ST8SIA5: variants seen among roughly 807,000 people sequenced by gnomAD.
The protein encoded by ST8SIA5 is ST8 alpha-N-acetyl-neuraminide alpha-2,8-sialyltransferase 5, also known as alpha-2,8-sialyltransferase 8E.
Under a neutral mutation model 40.2 loss-of-function variants are expected in ST8SIA5, and 24 were observed. The observed-to-expected ratio is 0.60, with a 90% CI of 0.43 to 0.84. The LOEUF (loss-of-function observed/expected upper bound fraction) is 0.84. ST8SIA5 is among the 40% of genes least tolerant of loss of function. The probability of loss-of-function intolerance (pLI) is 0.00; values close to 1 mark genes in which losing one functional copy is unlikely to be tolerated. For missense variants in ST8SIA5, 465 were observed against 498.5 expected (o/e 0.93, Z 0.64); for synonymous variants, 198 against 201.8 (o/e 0.98, Z 0.16).
In ST8SIA5 at chr18:46,669,864, G is replaced by A. The variant is rs1237665688; in HGVS notation, c.*10178C>T. The A allele has an allele frequency of 2.6e-5, 4 of 152,192 alleles. No individual in the cohort carries two copies. Among genetic ancestry groups the A allele is most frequent in the African/African-American group, 9.7e-5 (4 of 41,420 alleles). The allele number at this position is 152,192 out of a possible 1,614,324, so 9.4% of individuals were successfully genotyped here. ...AGGTGGGCGAATCACGAGGTCAGGA[G>A]TTCACAACCAGCCTGGCCAAAATGG... On this transcript the variant is annotated 3_prime_UTR_variant, in exon 7 of 7. Coordinates refer to ENST00000315087, the MANE Select transcript of ST8SIA5 (RefSeq NM_013305.6).
In ST8SIA5 at chr18:46,670,337, T is replaced by A. The variant is rs1220647936; in HGVS notation, c.*9705A>T. The A allele has an allele frequency of 1.3e-5, 2 of 152,216 alleles. No homozygotes were observed. The allele number at this position is 152,216 out of a possible 1,614,324, so 9.4% of individuals were successfully genotyped here. ...TGTCACAGGGTGAACTGAGCTGAAA[T>A]GCTGTGTTGCTCCCGGGGTTATTAT... On this transcript the variant is annotated 3_prime_UTR_variant, in exon 7 of 7. Coordinates refer to ENST00000315087, the MANE Select transcript of ST8SIA5 (RefSeq NM_013305.6).
chr18:46,747,713 A>G (rs1050470847), intron 1 of ST8SIA5, among the ~76,000 whole-genome samples: 1 of 152,206 alleles, frequency 6.6e-6, no homozygotes, highest in Non-Finnish European at 1.5e-5. Context: ...CAGCCATCCC[A>G]TTACTGGGTA....
intron 1 of ST8SIA5, among the ~76,000 whole-genome samples, chr18:46,739,519 G>A (rs2040068097): frequency 6.6e-6 from 1 of 152,232 alleles, no homozygotes; most frequent in African/African-American, 2.4e-5. Flanking sequence ...GGGTAACAGA[G>A]CGAGACTCCA....
At chr18:46,700,108 A>G (rs1235122646) in intron 2 of ST8SIA5, among the ~76,000 whole-genome samples, 2 of 152,216 alleles carry the variant, frequency 1.3e-5, no homozygotes, top group Non-Finnish European at 2.9e-5. Context: ...GACAGGTGTA[A>G]ATAATTTTAG....
At chr18:46,715,076 A>G (rs2039773619) in intron 1 of ST8SIA5, among the ~76,000 whole-genome samples, 1 of 152,138 alleles carries the variant, frequency 6.6e-6, no homozygotes, top group Admixed American at 6.6e-5. Flanking sequence ...GAAGCTGCCA[A>G]GTTTGTTTTG....
In ST8SIA5 at chr18:46,673,052, G is replaced by A. The variant is rs1345260311; in HGVS notation, c.*6990C>T. On this transcript the variant is annotated 3_prime_UTR_variant, in exon 7 of 7. Transcript: ENST00000315087. ...TCATAGAGAAAGAAAGTAGAATTGC[G>A]ATTGCCAGGGGCTGGGGAAGGGGGA... 6.6e-6 allele frequency: 1 copy of A among 152,176 alleles called. No homozygotes were observed. The highest frequency in any genetic ancestry group is 2.4e-5 in the African/African-American group (1 of 41,454). 9.4% of individuals were successfully genotyped at this position (152,176 alleles called of 1,614,324 possible). A position where few individuals can be genotyped will look rare whatever the true frequency, so the allele number is the denominator to read the frequency against.
Position 46,680,010 on chromosome 18 carries a change from C to G in ST8SIA5, c.*32G>C, listed in dbSNP as rs765551790. 2 of 1,570,390 alleles carry G rather than the reference C, an allele frequency of 1.3e-6. No individual in the cohort carries two copies. Among genetic ancestry groups the G allele is most frequent in the South Asian group, 2.4e-5 (2 of 83,232 alleles). ...CCAGGAGGGACAGCAGGAGAGGGGG[C>G]GCCGCTTGCCGGGCAGCCTGGCTGG... is the stretch of plus-strand genomic sequence containing the variant. On this transcript the variant is annotated 3_prime_UTR_variant, in exon 7 of 7. Transcript: ENST00000315087.
chr18:46,747,875 G>A (rs2144569343), intron 1 of ST8SIA5, among the ~76,000 whole-genome samples: 1 of 152,306 alleles, frequency 6.6e-6, no homozygotes, highest in Non-Finnish European at 1.5e-5. Flanking sequence ...TATATACCAT[G>A]GAATACTATG....
rs938679580 is a variant in ST8SIA5, at chr18:46,738,508, C to T, written c.131+17870G>A. On this transcript the variant is annotated intron_variant, in intron 1 of 6. Transcript: ENST00000315087. ...AGTTAACGCCTGAGAGTAGAGGCCA[C>T]CTTAAATTTTGTTCCCTGGATCACT... is the stretch of plus-strand genomic sequence containing the variant. Among the ~76,000 whole-genome samples, 20 of 152,124 alleles carry T rather than the reference C, an allele frequency of 1.3e-4. 1 individual carries two copies. In the East Asian group the frequency reaches 3.9e-3, roughly 29 times the overall value.
chr18:46,736,168 TTA>T lies in ST8SIA5; in HGVS notation c.131+20208_131+20209del, dbSNP rs370967868. Among the ~76,000 whole-genome samples the T allele has an allele frequency of 1.4e-4, 22 of 152,320 alleles. No homozygotes were observed. The East Asian group carries it at 2.9e-3, about 20-fold the overall frequency. The stretch of plus-strand genomic sequence containing the variant: ...AGATACGTCACATCCCTTTTTTGTA[TTA>T]TGTCTTCGAAATCCAACGTGTATTG... On this transcript the variant is annotated intron_variant, in intron 1 of 6. Transcript: ENST00000315087.
intron 1 of ST8SIA5, among the ~76,000 whole-genome samples, chr18:46,742,472 T>A (rs560253653): frequency 8.7e-4 from 132 of 151,994 alleles, no homozygotes; most frequent in Non-Finnish European, 1.6e-4. Flanking sequence ...ATGTAAAACT[T>A]TTGTGCTTCA....
Position 46,679,355 on chromosome 18 carries a change from G to C in ST8SIA5, c.*687C>G, listed in dbSNP as rs961318125. 2 of 152,172 alleles carry C rather than the reference G, an allele frequency of 1.3e-5. No individual in the cohort carries two copies. Among genetic ancestry groups the C allele is most frequent in the Non-Finnish European group, 2.9e-5 (2 of 68,290 alleles). The allele number at this position is 152,172 out of a possible 1,614,324, so 9.4% of individuals were successfully genotyped here. A position where few individuals can be genotyped will look rare whatever the true frequency, so the allele number is the denominator to read the frequency against. On this transcript the variant is annotated 3_prime_UTR_variant, in exon 7 of 7. Coordinates refer to ENST00000315087, the MANE Select transcript of ST8SIA5 (RefSeq NM_013305.6). ...GAGGATGTGTCTGAAAGGATGTGGT[G>C]CTTCTCAGATGATGATGTCTCGACT...
At chr18:46,703,149 T>C (rs931931291) in intron 2 of ST8SIA5, among the ~76,000 whole-genome samples, 1 of 152,196 alleles carries the variant, frequency 6.6e-6, no homozygotes, top group Admixed American at 6.5e-5. Context: ...TTTATTTTAT[T>C]TTATTTTATT....
At chr18:46,728,223 T>C (rs903661053) in intron 1 of ST8SIA5, among the ~76,000 whole-genome samples, 1 of 151,708 alleles carries the variant, frequency 6.6e-6, no homozygotes, top group African/African-American at 2.4e-5. Context: ...TAGAGTATTA[T>C]AAAATGAAGA....
At chr18:46,705,925 G>T in intron 1 of ST8SIA5, among the ~76,000 whole-genome samples, 1 of 152,150 alleles carries the variant, frequency 6.6e-6, no homozygotes, top group East Asian at 1.9e-4. Context: ...CATTTCGCAC[G>T]TACCCTTACA....
chr18:46,700,854 C>T (rs1356410713), intron 2 of ST8SIA5, among the ~76,000 whole-genome samples: 4 of 152,140 alleles, frequency 2.6e-5, no homozygotes, highest in Non-Finnish European at 5.9e-5. Flanking sequence ...CAAGTGGAAT[C>T]GATGGAAGGT....
intron 1 of ST8SIA5, among the ~76,000 whole-genome samples, chr18:46,725,970 A>ATAT (rs58550909): frequency 5.3e-4 from 17 of 31,782 alleles, no homozygotes; most frequent in South Asian, 1.5e-3. Flanking sequence ...AAAAAAAAAA[A>ATAT]AAATATATAT....
intron 1 of ST8SIA5, among the ~76,000 whole-genome samples, chr18:46,720,412 C>G (rs532070244): frequency 1.3e-5 from 2 of 152,168 alleles, no homozygotes; most frequent in South Asian, 4.1e-4. Context: ...GTGCGACCAT[C>G]CCCACACCCT....
chr18:46,752,152 C>T (rs3893054), intron 1 of ST8SIA5, among the ~76,000 whole-genome samples: 9,633 of 152,304 alleles, frequency 0.063, 342 homozygotes, highest in African/African-American at 0.094. Context: ...CATCCCCCTT[C>T]CTTTCACTTC....
Sources: gnomAD v4.1 joint callset for allele counts (sites outside exome capture counted in the v4.1 genomes callset) on GRCh38, gnomAD v4.1.1 for gene constraint, MANE v1.5 for transcripts, NCBI Gene and HGNC (gene_info 2026-07-23, HGNC 2026-07-21) for gene names.